Variants in PSAP observed in about 807,000 individuals in gnomAD.
PSAP encodes the protein prosaposin.
In PSAP, 25 loss-of-function variants were observed where a neutral mutation model predicts 66.0. The observed-to-expected ratio is 0.38, with a 90% CI of 0.28 to 0.53. PSAP has a LOEUF of 0.53. Among genes scored for constraint, PSAP ranks in the 20% least tolerant of loss-of-function variants. The probability of loss-of-function intolerance (pLI) is 0.83; values close to 1 mark genes in which losing one functional copy is unlikely to be tolerated. For missense variants in PSAP, 649 were observed against 668.8 expected, an observed-to-expected ratio of 0.97 and a Z score of 0.33; for synonymous variants, 273 against 258.9, an observed-to-expected ratio of 1.05 and a Z score of -0.52.
intron 1 of PSAP, among the ~76,000 whole-genome samples, chr10:71,846,707 G>A (rs1218883629): frequency 7.5e-6 from 1 of 132,550 alleles, no homozygotes; most frequent in Non-Finnish European, 1.5e-5. Flanking sequence ...ACTCCAGCCT[G>A]GGCAACAGAG....
In PSAP at chr10:71,818,633, G is replaced by C. The variant is rs1842225216; in HGVS notation, c.1523C>G (p.Thr508Arg). 3 of 1,613,800 alleles carry C rather than the reference G, an allele frequency of 1.9e-6. No homozygotes were observed. The highest frequency in any genetic ancestry group is 2.5e-6 in the Non-Finnish European group (3 of 1,179,996). Residue 508 changes from threonine to arginine, a missense_variant, in exon 13 of 14, where the codon ACA becomes AGA. Coordinates refer to ENST00000394936, the MANE Select transcript of PSAP (RefSeq NM_002778.4). ...GPSYWCQNTE[T>R]AAQCNAVEHC... ...GCTACTCACATTGCACTGGGCTGCT[G>C]TCTCTGTGTTCTGGCACCAGTAGCT...
At chr10:71,843,896 A>G (rs1239161461) in intron 1 of PSAP, among the ~76,000 whole-genome samples, 1 of 152,246 alleles carries the variant, frequency 6.6e-6, no homozygotes, top group Non-Finnish European at 1.5e-5. Flanking sequence ...GTTATACAAC[A>G]CGTTAACAGT....
At chr10:71,823,783 C>T (rs1842348516) in intron 7 of PSAP, 1 of 813,548 alleles carries the variant, frequency 1.2e-6, no homozygotes, top group South Asian at 1.5e-5. Flanking sequence ...CGTAACCATT[C>T]CTTGTATCTG....
At chr10:71,846,580 C>G (rs1004029339) in intron 1 of PSAP, among the ~76,000 whole-genome samples, 2 of 151,734 alleles carry the variant, frequency 1.3e-5, no homozygotes, top group Non-Finnish European at 2.9e-5. Context: ...CAAAAATTAG[C>G]CAGGCATGGT....
chr10:71,828,199 A>C, intron 5 of PSAP, 42 bp from the exon 6 acceptor site: 1 of 1,611,034 alleles, frequency 6.2e-7, no homozygotes, highest in Non-Finnish European at 8.5e-7. Flanking sequence ...AGAGGACTCA[A>C]ATTCCTAGGA....
At chr10:71,830,723 T>C (rs1842495237) in intron 4 of PSAP, among the ~76,000 whole-genome samples, 2 of 152,228 alleles carry the variant, frequency 1.3e-5, no homozygotes, top group South Asian at 2.1e-4. Flanking sequence ...CAATACATAC[T>C]TGATGAATGA....
At chr10:71,824,074 T>G (rs1469001263) in intron 7 of PSAP, among the ~76,000 whole-genome samples, 1 of 152,204 alleles carries the variant, frequency 6.6e-6, no homozygotes, top group East Asian at 1.9e-4. Context: ...CCTGCTATCT[T>G]GCGGACAAGG....
At position 71,833,016 on chromosome 10, in the gene PSAP, C is replaced by CAAAAAAAAAAAA. The variant is rs781415981; in HGVS notation, c.175-1108_175-1097dup. Among the ~76,000 whole-genome samples the CAAAAAAAAAAAA allele has an allele frequency of 4.3e-3, 218 of 50,440 alleles. 20 individuals carry two copies. Among genetic ancestry groups the CAAAAAAAAAAAA allele is most frequent in the Non-Finnish European group, 4.7e-3 (130 of 27,742 alleles). 33.1% of individuals were successfully genotyped at this position (50,440 alleles called of 152,430 possible). On this transcript the variant is annotated intron_variant, in intron 2 of 13. Transcript: ENST00000394936. ...TAGGCAACAGAGTGAGAGTCCATCT[C>CAAAAAAAAAAAA]AAAAAAAAAAAAAAACAAAAAACAA...
intron 1 of PSAP, among the ~76,000 whole-genome samples, chr10:71,841,198 C>T (rs1396697236): frequency 4.6e-5 from 7 of 152,216 alleles, no homozygotes; most frequent in African/African-American, 1.7e-4. Flanking sequence ...CCGCAGTTGG[C>T]ACAGGCACCC....
intron 7 of PSAP, chr10:71,822,695 G>A (rs1183650333): frequency 4.3e-6 from 2 of 467,244 alleles, no homozygotes; most frequent in African/African-American, 2.0e-5. Context: ...TGAGACAAGT[G>A]TATAGACTCT....
chr10:71,838,000 G>A lies in PSAP; in HGVS notation c.41-3495C>T, dbSNP rs534834588. On this transcript the variant is annotated intron_variant, in intron 1 of 13. Transcript: ENST00000394936. ...CACCCTAAGGTGAGGGCTCAACCCC[G>A]TGGGCGATACTGCAGGAAGCTTCAG... 1.5e-4 allele frequency among the ~76,000 whole-genome samples: 23 copies of A among 152,316 alleles called. No homozygotes were observed. In the South Asian group the frequency reaches 3.1e-3, roughly 21 times the overall value.
chr10:71,828,730 C>T, intron 5 of PSAP, 147 bp downstream of exon 5: 1 of 781,612 alleles, frequency 1.3e-6, no homozygotes, highest in Non-Finnish European at 2.1e-6. Flanking sequence ...CATGGTACAA[C>T]CATTTAAAGG....
intron 6 of PSAP, among the ~76,000 whole-genome samples, chr10:71,827,232 T>TA (rs1842412950): frequency 2.0e-5 from 3 of 150,484 alleles, no homozygotes; most frequent in African/African-American, 7.3e-5. Context: ...CCGTCTCCAC[T>TA]AAAAAATACA....
chr10:71,828,168 G>A lies in PSAP; in HGVS notation c.577-11C>T, dbSNP rs1211889492. 6.8e-6 allele frequency: 11 copies of A among 1,614,138 alleles called. No individual in the cohort carries two copies. Among genetic ancestry groups the A allele is most frequent in the East Asian group, 2.2e-5 (1 of 44,890 alleles). On this transcript the variant is annotated splice_polypyrimidine_tract_variant and intron_variant, in intron 5 of 13. Transcript: ENST00000394936. ...AACGTCCCCATTATCCTACAGAAGAGGCAGTTAGGTTTGCAACTTAAGAGG... is the reference window on the plus strand; with the variant it reads ...AACGTCCCCATTATCCTACAGAAGAAGCAGTTAGGTTTGCAACTTAAGAGG...
At position 71,822,950 on chromosome 10, in the gene PSAP, AAAATAAAT is replaced by A. The variant is rs35027678; in HGVS notation, c.778-951_778-944del. On this transcript the variant is annotated intron_variant, in intron 7 of 13. Coordinates refer to ENST00000394936, the MANE Select transcript of PSAP (RefSeq NM_002778.4). Reference sequence around the variant, plus strand: ...TGTCTCTGCCACACCTTAAGAATGAAAAATAAATAAATAAATAAATAAATAATAAGAAC... The same window carrying A: ...TGTCTCTGCCACACCTTAAGAATGAAAAATAAATAAATAAATAATAAGAAC... Among the ~76,000 whole-genome samples, 329 of 149,892 alleles carry A rather than the reference AAAATAAAT, an allele frequency of 2.2e-3. 6 individuals carry two copies. The East Asian group carries it at 0.047, about 21-fold the overall frequency.
intron 1 of PSAP, among the ~76,000 whole-genome samples, chr10:71,845,436 A>G (rs1038836648): frequency 6.6e-6 from 1 of 152,212 alleles, no homozygotes; most frequent in Non-Finnish European, 1.5e-5. Flanking sequence ...TCACAATTTA[A>G]GGAGCAACAA....
In PSAP at chr10:71,816,683, A is replaced by C. The variant is rs1485721226; in HGVS notation, c.*758T>G. 1 of 317,318 alleles carries C rather than the reference A, an allele frequency of 3.2e-6. No individual in the cohort carries two copies. Among genetic ancestry groups the C allele is most frequent in the African/African-American group, 2.2e-5 (1 of 46,370 alleles). The allele number at this position is 317,318 out of a possible 1,614,324, so 19.7% of individuals were successfully genotyped here. ...AGGCACAGCGCGGCCACCACTGTCCACACGCTCACACAAGCCAGGCCCGCA... is the reference window on the plus strand; with the variant it reads ...AGGCACAGCGCGGCCACCACTGTCCCCACGCTCACACAAGCCAGGCCCGCA... On this transcript the variant is annotated 3_prime_UTR_variant, in exon 14 of 14. Transcript: ENST00000394936.
chr10:71,832,029 T>G (rs1280824844), intron 2 of PSAP, 109 bp from the exon 3 acceptor site: 3 of 1,094,774 alleles, frequency 2.7e-6, no homozygotes, highest in Non-Finnish European at 1.4e-6. Flanking sequence ...AGGGATATGA[T>G]CATGACCGCG....
At chr10:71,843,975 CAT>C (rs1842775853) in intron 1 of PSAP, among the ~76,000 whole-genome samples, 1 of 152,186 alleles carries the variant, frequency 6.6e-6, no homozygotes, top group Admixed American at 6.5e-5. Flanking sequence ...GTAAATCTAA[CAT>C]TATCTCAAAT....
Sources: allele counts gnomAD v4.1 joint callset (sites outside exome capture counted in the v4.1 genomes callset), GRCh38; gene constraint gnomAD v4.1.1; transcripts MANE v1.5; gene names NCBI Gene and HGNC (gene_info 2026-07-23, HGNC 2026-07-21).